Variants in MCM10 observed in about 807,000 individuals in gnomAD.
The protein encoded by MCM10 is minichromosome maintenance 10 replication initiation factor, also known as protein MCM10 homolog.
MCM10 carries 91 observed loss-of-function variants against 109.9 expected under a neutral mutation model. The observed-to-expected ratio is 0.83, with a 90% CI of 0.70 to 0.99. The LOEUF (loss-of-function observed/expected upper bound fraction) is 0.99. Among genes scored for constraint, MCM10 ranks in the 50% least tolerant of loss-of-function variants. The pLI is 0.00. For missense variants in MCM10, 1,077 were observed against 1,061.2 expected (o/e 1.01, Z -0.21); for synonymous variants, 380 against 387.2 (o/e 0.98, Z 0.22).
chr10:13,186,640 A>G (rs1834277815), intron 9 of MCM10, among the ~76,000 whole-genome samples: 1 of 152,164 alleles, frequency 6.6e-6, no homozygotes, highest in Non-Finnish European at 1.5e-5. Context: ...AGGGCTTTTT[A>G]AAAAATAATA....
chr10:13,175,400 G>A, intron 5 of MCM10, 110 bp from the exon 6 acceptor site: 1 of 832,548 alleles, frequency 1.2e-6, no homozygotes, highest in Non-Finnish European at 2.0e-6. Flanking sequence ...CTGCCTGGGT[G>A]ACACAGTGAG....
At chr10:13,193,390 A>C (rs1415981253) in intron 13 of MCM10, among the ~76,000 whole-genome samples, 1 of 151,972 alleles carries the variant, frequency 6.6e-6, no homozygotes, top group Non-Finnish European at 1.5e-5. Context: ...TACTAATGAG[A>C]GCTGCGGTTC....
chr10:13,196,065 C>A (rs1237141763), intron 14 of MCM10, among the ~76,000 whole-genome samples: 3 of 151,980 alleles, frequency 2.0e-5, no homozygotes, highest in Non-Finnish European at 4.4e-5. Flanking sequence ...TGCCACCACG[C>A]CTTGGCTAAT....
intron 9 of MCM10, among the ~76,000 whole-genome samples, chr10:13,187,834 G>A (rs1834294449): frequency 6.6e-6 from 1 of 152,090 alleles, no homozygotes; most frequent in Non-Finnish European, 1.5e-5. Flanking sequence ...ATCTCCCCGT[G>A]AGAATTAGAT....
Position 13,204,343 on chromosome 10 carries a change from G to C in MCM10, c.2477G>C (p.Arg826Thr). The change falls in exon 18 of 20, where the codon AGA (arginine) becomes ACA (threonine). Residue 826 changes from arginine to threonine, a missense_variant. Physicochemically the swap from Arg to Thr is moderately conservative, Grantham distance 71. Coordinates refer to ENST00000378714, the MANE Select transcript of MCM10 (RefSeq NM_018518.5). ...GGAAACAGAAGCATCTCCTTGGACAGACTCCCGAACAAGCACTGCAGGTAT... is the reference window on the plus strand; with the variant it reads ...GGAAACAGAAGCATCTCCTTGGACACACTCCCGAACAAGCACTGCAGGTAT... ...PCGNRSISLD[R>T]LPNKHCSNCG... 1.2e-6 allele frequency: 2 copies of C among 1,614,214 alleles called. No individual in the cohort carries two copies. Among genetic ancestry groups the C allele is most frequent in the Non-Finnish European group, 1.7e-6 (2 of 1,180,042 alleles).
chr10:13,209,024 G>A (rs1834622396), intron 18 of MCM10, 67 bp from the exon 19 acceptor site: 1 of 1,113,626 alleles, frequency 9.0e-7, no homozygotes, highest in Non-Finnish European at 1.4e-6. Context: ...GGTGCAGTGA[G>A]CACCGTCGTC....
At chr10:13,188,254 C>T (rs1360268263) in intron 9 of MCM10, among the ~76,000 whole-genome samples, 1 of 152,164 alleles carries the variant, frequency 6.6e-6, no homozygotes, top group African/African-American at 2.4e-5. Context: ...GAGGATCAAC[C>T]AGAGAAACAG....
chr10:13,193,919 G>C (rs557230606), intron 13 of MCM10, among the ~76,000 whole-genome samples: 1 of 152,282 alleles, frequency 6.6e-6, no homozygotes, highest in South Asian at 2.1e-4. Flanking sequence ...AAGAGTGGCT[G>C]TGCGGTTGGG....
intron 10 of MCM10, among the ~76,000 whole-genome samples, chr10:13,189,850 G>A (rs958824599): frequency 1.3e-5 from 2 of 152,128 alleles, no homozygotes; most frequent in Non-Finnish European, 2.9e-5. Context: ...GGGGTTCAGA[G>A]TCACTACAGC....
rs1282329112 is a variant in MCM10, at chr10:13,197,782, C to T, written c.2119+15C>T. On this transcript the variant is annotated intron_variant, in intron 15 of 19. Transcript: ENST00000378714. The stretch of plus-strand genomic sequence containing the variant: ...TTCTTCTCAAGGTACTGCAGTTTCA[C>T]AGTTAACAGTGGGAAAGAGAAACTG... 3 of 1,599,956 alleles carry T rather than the reference C, an allele frequency of 1.9e-6. No homozygotes were observed. Among genetic ancestry groups the T allele is most frequent in the African/African-American group, 1.4e-5 (1 of 73,870 alleles).
chr10:13,193,816 C>G (rs543635229), intron 13 of MCM10, among the ~76,000 whole-genome samples: 1 of 152,020 alleles, frequency 6.6e-6, no homozygotes, highest in Non-Finnish European at 1.5e-5. Context: ...GAAGGCATTG[C>G]GTAATGAAAA....
At chr10:13,195,363 T>C in intron 14 of MCM10, 94 bp downstream of exon 14, 3 of 899,068 alleles carry the variant, frequency 3.3e-6, no homozygotes, top group Non-Finnish European at 3.4e-6. Context: ...TTATTGATCG[T>C]GATCATTAGA....
At chr10:13,184,829 T>G (rs942412) in intron 8 of MCM10, among the ~76,000 whole-genome samples, 131,075 of 152,174 alleles carry the variant, frequency 0.86, 56,681 homozygotes, top group South Asian at 0.9. Flanking sequence ...TCACTGTGAA[T>G]TGGCATACCG....
At chr10:13,163,963 A>G (rs1003487676) in intron 1 of MCM10, among the ~76,000 whole-genome samples, 165 bp from the exon 2 acceptor site, 1 of 152,168 alleles carries the variant, frequency 6.6e-6, no homozygotes, top group African/African-American at 2.4e-5. Flanking sequence ...CCAAGGAAGG[A>G]GATGGCATTG....
In MCM10 at chr10:13,172,773, A is replaced by C; in HGVS notation, c.592+8A>C. The C allele has an allele frequency of 6.2e-7, 1 of 1,613,756 alleles. No homozygotes were observed. The highest frequency in any genetic ancestry group is 1.3e-5 in the African/African-American group (1 of 74,956). ...CAAAGGCTTCACCTCCAGGTGTAGTACTTGCGGTCTCAGTATCTTGGCACT... is the reference window on the plus strand; with the variant it reads ...CAAAGGCTTCACCTCCAGGTGTAGTCCTTGCGGTCTCAGTATCTTGGCACT... On this transcript the variant is annotated splice_region_variant and intron_variant, in intron 5 of 19. Coordinates refer to ENST00000378714, the MANE Select transcript of MCM10 (RefSeq NM_018518.5). The surrounding 1 kb of genome is among the most constrained non-coding windows in gnomAD (Gnocchi z 5.2).
In MCM10 at chr10:13,172,759, C is replaced by T. The variant is rs1834091963; in HGVS notation, c.586C>T (p.Pro196Ser). ...GGTGGCTCGAACACCAAAGGCTTCA[C>T]CTCCAGGTGTAGTACTTGCGGTCTC... ...KRVARTPKASPPDPKSSSSRM... is the reference protein window; with the variant it reads ...KRVARTPKASSPDPKSSSSRM... Residue 196 changes from proline to serine, a missense_variant, in exon 5 of 20, where the codon CCT becomes TCT. By Grantham distance (74) the Pro-to-Ser change is moderately conservative. Transcript: ENST00000378714. This position sits in a 1 kb window ranked among gnomAD's most constrained non-coding sequence, Gnocchi z 5.2. The T allele has an allele frequency of 3.7e-6, 6 of 1,614,078 alleles. No homozygotes were observed. Among genetic ancestry groups the T allele is most frequent in the Non-Finnish European group, 5.1e-6 (6 of 1,180,012 alleles).
At chr10:13,170,841 T>C (rs1834061146) in intron 2 of MCM10, 81 bp from the exon 3 acceptor site, 5 of 1,234,634 alleles carry the variant, frequency 4.0e-6, no homozygotes, top group Non-Finnish European at 5.8e-6. Flanking sequence ...CTTACCCCCA[T>C]GGGGTCATTT....
chr10:13,180,149 G>A (rs1834191486), intron 6 of MCM10, among the ~76,000 whole-genome samples: 1 of 152,092 alleles, frequency 6.6e-6, no homozygotes, highest in Non-Finnish European at 1.5e-5. Context: ...TACTCAGGAG[G>A]CTGAGGCAGG....
chr10:13,193,431 A>G (rs1834375241), intron 13 of MCM10, among the ~76,000 whole-genome samples: 2 of 152,164 alleles, frequency 1.3e-5, no homozygotes, highest in Non-Finnish European at 2.9e-5. Flanking sequence ...CCATAAACAC[A>G]GTATCTGAGC....
Sources: allele counts gnomAD v4.1 joint callset (sites outside exome capture counted in the v4.1 genomes callset), GRCh38; gene constraint gnomAD v4.1.1; non-coding constraint Gnocchi (gnomAD v3.1); transcripts MANE v1.5; gene names NCBI Gene and HGNC (gene_info 2026-07-23, HGNC 2026-07-21).